Variants in RNF13 observed in about 807,000 individuals in gnomAD.
RNF13 encodes E3 ubiquitin-protein ligase RNF13.
RNF13 carries 19 observed loss-of-function variants against 37.7 expected under a neutral mutation model. That is an observed-to-expected ratio of 0.50 (90% CI 0.35 to 0.74). The LOEUF is 0.74. Among genes scored for constraint, RNF13 ranks in the 30% least tolerant of loss-of-function variants. The pLI is 0.01. For synonymous variants in RNF13, 144 were observed against 157.8 expected, an observed-to-expected ratio of 0.91 and a Z score of 0.65; for missense variants, 375 against 453.0, an observed-to-expected ratio of 0.83 and a Z score of 1.56.
intron 8 of RNF13, chr3:149,939,758 G>T: frequency 1.6e-6 from 1 of 619,534 alleles, no homozygotes. Flanking sequence ...TAGTTCTGGG[G>T]CCTCAGAGGG....
At position 149,961,289 on chromosome 3, in the gene RNF13, TA is replaced by T. The variant is rs1722392604; in HGVS notation, c.*187del. 1 of 681,312 alleles carries T rather than the reference TA, an allele frequency of 1.5e-6. No individual in the cohort carries two copies. The highest frequency in any genetic ancestry group is 2.3e-5 in the Admixed American group (1 of 43,392). The allele number at this position is 681,312 out of a possible 1,614,324, so 42.2% of individuals were successfully genotyped here. On this transcript the variant is annotated 3_prime_UTR_variant, in exon 10 of 10. Transcript: ENST00000392894. ...TCTGCCAAGAATATACTTCATTCAC[TA>T]ATAATAGACTGGTGCTGTAACTCAA...
intron 1 of RNF13, among the ~76,000 whole-genome samples, chr3:149,832,522 C>T (rs1295816165): frequency 6.6e-6 from 1 of 152,110 alleles, no homozygotes; most frequent in African/African-American, 2.4e-5. Flanking sequence ...CAAAACCATA[C>T]AGATAATCAT....
intron 8 of RNF13, among the ~76,000 whole-genome samples, chr3:149,940,558 A>G (rs1720146480): frequency 6.6e-6 from 1 of 151,952 alleles, no homozygotes; most frequent in Admixed American, 6.6e-5. Flanking sequence ...TCTGACCTAT[A>G]TCATTTTTCT....
At chr3:149,902,656 A>G (rs1715960332) in intron 6 of RNF13, among the ~76,000 whole-genome samples, 1 of 152,082 alleles carries the variant, frequency 6.6e-6, no homozygotes, top group Non-Finnish European at 1.5e-5. Flanking sequence ...ACCCCCACAA[A>G]ATAATCTCAT....
intron 8 of RNF13, among the ~76,000 whole-genome samples, chr3:149,954,352 A>G (rs3911489): frequency 0.18 from 27,247 of 152,120 alleles, 3,561 homozygotes; most frequent in African/African-American, 0.37. Flanking sequence ...CTATAGGCTT[A>G]GAATGTAGTG....
Position 149,961,273 on chromosome 3 carries a change from A to T in RNF13, c.*169A>T, listed in dbSNP as rs1012907969. The T allele has an allele frequency of 3.5e-5, 24 of 687,022 alleles. No individual in the cohort carries two copies. Among genetic ancestry groups the T allele is most frequent in the Non-Finnish European group, 5.1e-5 (20 of 392,016 alleles). 42.6% of individuals were successfully genotyped at this position (687,022 alleles called of 1,614,324 possible). On this transcript the variant is annotated 3_prime_UTR_variant, in exon 10 of 10. Coordinates refer to ENST00000392894, the MANE Select transcript of RNF13 (RefSeq NM_183381.3). Reference sequence around the variant, plus strand: ...TTTGATCTGGTATTTATCTGCCAAGAATATACTTCATTCACTAATAATAGA... The same window carrying T: ...TTTGATCTGGTATTTATCTGCCAAGTATATACTTCATTCACTAATAATAGA...
chr3:149,873,750 A>G (rs994200524), intron 4 of RNF13, among the ~76,000 whole-genome samples: 2 of 152,138 alleles, frequency 1.3e-5, no homozygotes, highest in South Asian at 4.1e-4. Context: ...CCTCTGTTGC[A>G]GTGCAGACCA....
chr3:149,959,959 C>T, intron 8 of RNF13, 97 bp from the exon 9 acceptor site: 1 of 726,346 alleles, frequency 1.4e-6, no homozygotes, highest in Non-Finnish European at 2.4e-6. Context: ...CAAAAGGCAT[C>T]ATTCAAAGAT....
intron 1 of RNF13, among the ~76,000 whole-genome samples, chr3:149,833,118 CTT>C (rs34729566): frequency 8.9e-6 from 1 of 111,900 alleles, no homozygotes; most frequent in Non-Finnish European, 1.7e-5. Flanking sequence ...CTCTCTCTCT[CTT>C]TTTTTTTTTT....
intron 7 of RNF13, among the ~76,000 whole-genome samples, chr3:149,915,836 A>T (rs1717453268): frequency 6.6e-6 from 1 of 152,294 alleles, no homozygotes; most frequent in African/African-American, 2.4e-5. Context: ...CCAGGGACTG[A>T]GGGGACTGAG....
At position 149,830,019 on chromosome 3, in the gene RNF13, A is replaced by G. The variant is rs1316481649; in HGVS notation, c.-16-15992A>G. 4.0e-5 allele frequency among the ~76,000 whole-genome samples: 6 copies of G among 148,724 alleles called. No individual in the cohort carries two copies. The South Asian group carries it at 1.1e-3, about 27-fold the overall frequency. ...CTTTGCTTCTCCTTTGCCTTCTGCC[A>G]TGATTCTGAGGCCTCTCCAGCCATG... On this transcript the variant is annotated intron_variant, in intron 1 of 9. Transcript: ENST00000392894.
At chr3:149,877,472 C>CTTTTTTTTTTTTTTTTTTTTTGT (rs369676407) in intron 4 of RNF13, among the ~76,000 whole-genome samples, 21 of 101,482 alleles carry the variant, frequency 2.1e-4, no homozygotes, top group East Asian at 2.8e-4. Flanking sequence ...TTCTTTCTGT[C>CTTTTTTTTTTTTTTTTTTTTTGT]TTTTTTTTTT....
chr3:149,929,898 A>G (rs1050888971), intron 8 of RNF13, among the ~76,000 whole-genome samples: 28 of 152,110 alleles, frequency 1.8e-4, no homozygotes, highest in African/African-American at 6.5e-4. Context: ...TTCTTTCACC[A>G]GTACCACACC....
intron 3 of RNF13, among the ~76,000 whole-genome samples, chr3:149,864,875 C>G (rs1724643036): frequency 6.6e-6 from 1 of 152,128 alleles, no homozygotes; most frequent in South Asian, 2.1e-4. Flanking sequence ...TAGCTTTATT[C>G]TGGACACTAT....
chr3:149,831,516 G>A lies in RNF13; in HGVS notation c.-16-14495G>A, dbSNP rs112829315. On this transcript the variant is annotated intron_variant, in intron 1 of 9. Coordinates refer to ENST00000392894, the MANE Select transcript of RNF13 (RefSeq NM_183381.3). ...CCCCTTGTTTCTGCCAGTTTCTCCC[G>A]TTTGGAATGGGTGTATTTGACCAAT... Among the ~76,000 whole-genome samples, 195 of 152,236 alleles carry A rather than the reference G, an allele frequency of 1.3e-3. 1 individual carries two copies. Among genetic ancestry groups the A allele is most frequent in the African/African-American group, 3.9e-3 (160 of 41,544 alleles).
intron 8 of RNF13, chr3:149,939,593 C>T: frequency 3.2e-6 from 2 of 615,426 alleles, no homozygotes; most frequent in South Asian, 2.8e-5. Flanking sequence ...ATCGGACTGC[C>T]TTCATAATTC....
At chr3:149,950,047 A>G (rs193136018) in intron 8 of RNF13, among the ~76,000 whole-genome samples, 17 of 152,260 alleles carry the variant, frequency 1.1e-4, no homozygotes, top group African/African-American at 4.1e-4. Context: ...GCTCAAAGAT[A>G]CTTTGCTCAA....
chr3:149,833,602 T>G (rs1005747660), intron 1 of RNF13, among the ~76,000 whole-genome samples: 1 of 151,984 alleles, frequency 6.6e-6, no homozygotes, highest in Non-Finnish European at 1.5e-5. Flanking sequence ...AAACTGAAAA[T>G]AGAAGGAGAC....
In RNF13 at chr3:149,852,508, A is replaced by G. The variant is rs1364610862; in HGVS notation, c.115-8A>G. On this transcript the variant is annotated splice_region_variant and splice_polypyrimidine_tract_variant and intron_variant, in intron 2 of 9. Transcript: ENST00000392894. ...TCTTAACTTGAATATTTAAAATTTT[A>G]TTTTTAGTATAACTTTGAAAATGCA... The G allele has an allele frequency of 6.9e-7, 1 of 1,441,080 alleles. No individual in the cohort carries two copies. The highest frequency in any genetic ancestry group is 9.5e-7 in the Non-Finnish European group (1 of 1,057,966). 89.3% of individuals were successfully genotyped at this position (1,441,080 alleles called of 1,614,324 possible).
Sources: allele counts gnomAD v4.1 joint callset (sites outside exome capture counted in the v4.1 genomes callset), GRCh38; gene constraint gnomAD v4.1.1; transcripts MANE v1.5; gene names NCBI Gene and HGNC (gene_info 2026-07-23, HGNC 2026-07-21).